Variants in ADCY8 observed in about 807,000 individuals in gnomAD.
ADCY8 encodes adenylate cyclase type 8.
Under a neutral mutation model 119.7 loss-of-function variants are expected in ADCY8, and 51 were observed. The ratio of observed to expected loss-of-function variants is 0.43; its 90% CI spans 0.34 to 0.54. The LOEUF (loss-of-function observed/expected upper bound fraction) is 0.54. ADCY8 is among the 20% of genes least tolerant of loss of function. ADCY8 has a pLI of 0.03. For missense variants in ADCY8, 1,383 were observed against 1,598.8 expected, an observed-to-expected ratio of 0.87 and a Z score of 2.30; for synonymous variants, 665 against 651.0, an observed-to-expected ratio of 1.02 and a Z score of -0.33.
intron 2 of ADCY8, among the ~76,000 whole-genome samples, chr8:130,966,784 A>G (rs1821775316): frequency 1.3e-5 from 2 of 152,344 alleles, no homozygotes; most frequent in East Asian, 3.9e-4. Context: ...GATGATAATA[A>G]TAACATCTAT....
At chr8:130,802,483 A>G (rs1244842747) in intron 14 of ADCY8, among the ~76,000 whole-genome samples, 2 of 152,226 alleles carry the variant, frequency 1.3e-5, no homozygotes, top group African/African-American at 4.8e-5. Flanking sequence ...TATTAAAGAT[A>G]CACTATTGAC....
chr8:130,846,345 C>A (rs189541468), intron 11 of ADCY8, among the ~76,000 whole-genome samples: 3 of 152,278 alleles, frequency 2.0e-5, no homozygotes, highest in Admixed American at 6.5e-5. Context: ...CAGAAACAGA[C>A]CACTGGCTCT....
At chr8:130,900,746 A>G (rs1219493312) in intron 7 of ADCY8, among the ~76,000 whole-genome samples, 1 of 152,128 alleles carries the variant, frequency 6.6e-6, no homozygotes, top group Admixed American at 6.6e-5. Context: ...TTGTTCCTTA[A>G]TTTTACAGAT....
intron 8 of ADCY8, among the ~76,000 whole-genome samples, chr8:130,869,126 G>T (rs1818233029): frequency 6.6e-6 from 1 of 152,210 alleles, no homozygotes; most frequent in African/African-American, 2.4e-5. Flanking sequence ...GAAGCACAAT[G>T]CTGTTCAGAG....
At chr8:130,986,550 G>A (rs535901078) in intron 2 of ADCY8, among the ~76,000 whole-genome samples, 3 of 152,258 alleles carry the variant, frequency 2.0e-5, no homozygotes, top group East Asian at 1.9e-4. Context: ...GACATGCAGC[G>A]AGTACAAGAA....
At chr8:130,956,297 A>G (rs1174887700) in intron 2 of ADCY8, among the ~76,000 whole-genome samples, 1 of 152,224 alleles carries the variant, frequency 6.6e-6, no homozygotes, top group Non-Finnish European at 1.5e-5. Flanking sequence ...GTCTATCCTC[A>G]CATCCTCTAT....
intron 12 of ADCY8, among the ~76,000 whole-genome samples, chr8:130,826,223 G>T (rs950104061): frequency 6.6e-6 from 1 of 151,994 alleles, no homozygotes; most frequent in Non-Finnish European, 1.5e-5. Flanking sequence ...CACATCAAAA[G>T]GTTATCAAGA....
chr8:130,967,906 G>A (rs73718848), intron 2 of ADCY8, among the ~76,000 whole-genome samples: 11,911 of 152,172 alleles, frequency 0.078, 1,551 homozygotes, highest in African/African-American at 0.27. Context: ...CTCAGGTTCT[G>A]TAAGTTAGTT....
chr8:130,926,712 G>GT (rs985479256), intron 5 of ADCY8, among the ~76,000 whole-genome samples: 1 of 151,846 alleles, frequency 6.6e-6, no homozygotes, highest in Admixed American at 6.6e-5. Flanking sequence ...TTGAAATTTT[G>GT]TATCTTTTGA....
chr8:130,984,657 G>C (rs2130730781), intron 2 of ADCY8, among the ~76,000 whole-genome samples: 3 of 152,288 alleles, frequency 2.0e-5, no homozygotes, highest in Middle Eastern at 6.8e-3. Context: ...AAACCAGGCA[G>C]TGCTAGTAAA....
intron 6 of ADCY8, among the ~76,000 whole-genome samples, chr8:130,907,634 C>A (rs888369001): frequency 1.1e-4 from 17 of 152,108 alleles, no homozygotes; most frequent in African/African-American, 3.9e-4. Flanking sequence ...AGTAGTAAAC[C>A]CACGGTTCAG....
At chr8:130,913,656 A>AC (rs11459519) in intron 5 of ADCY8, among the ~76,000 whole-genome samples, 17,277 of 151,988 alleles carry the variant, frequency 0.11, 2,044 homozygotes, top group African/African-American at 0.3. Flanking sequence ...CTGCTATCAC[A>AC]CCCCCCTCCT....
chr8:130,963,517 A>G (rs565577707), intron 2 of ADCY8, among the ~76,000 whole-genome samples: 1 of 152,336 alleles, frequency 6.6e-6, no homozygotes, highest in South Asian at 2.1e-4. Context: ...TTGAGATCCT[A>G]CTTAAGACAA....
At chr8:130,912,788 T>C (rs1386159221) in intron 5 of ADCY8, among the ~76,000 whole-genome samples, 1 of 152,186 alleles carries the variant, frequency 6.6e-6, no homozygotes, top group South Asian at 2.1e-4. Flanking sequence ...GTCATTGTTT[T>C]TACTTTAACT....
At chr8:130,914,412 T>C (rs2130563373) in intron 5 of ADCY8, among the ~76,000 whole-genome samples, 1 of 152,354 alleles carries the variant, frequency 6.6e-6, no homozygotes, top group East Asian at 1.9e-4. Flanking sequence ...GACATTTAGA[T>C]GATTTTTATT....
At chr8:130,804,308 G>A (rs35050296) in intron 14 of ADCY8, among the ~76,000 whole-genome samples, 30,386 of 152,106 alleles carry the variant, frequency 0.2, 3,068 homozygotes, top group East Asian at 0.26. Flanking sequence ...CCCCATGGTT[G>A]CAGATGCTGT....
intron 2 of ADCY8, among the ~76,000 whole-genome samples, chr8:130,971,598 A>G (rs1298097899): frequency 6.6e-6 from 1 of 152,226 alleles, no homozygotes; most frequent in Non-Finnish European, 1.5e-5. Context: ...CAGGCAAGTC[A>G]ATAAGGATAA....
chr8:130,994,939 T>C (rs190969447), intron 1 of ADCY8, among the ~76,000 whole-genome samples: 3 of 152,230 alleles, frequency 2.0e-5, no homozygotes, highest in Non-Finnish European at 1.5e-5. Flanking sequence ...CTCTGGGGTG[T>C]GGAGTGGGAA....
chr8:130,963,409 G>A (rs908572275), intron 2 of ADCY8, among the ~76,000 whole-genome samples: 2 of 152,202 alleles, frequency 1.3e-5, no homozygotes, highest in African/African-American at 4.8e-5. Context: ...GGAGAGCTAG[G>A]GAAGGGTGTT....
Sources: gnomAD v4.1 joint callset for allele counts (sites outside exome capture counted in the v4.1 genomes callset) on GRCh38, gnomAD v4.1.1 for gene constraint, MANE v1.5 for transcripts, NCBI Gene and HGNC (gene_info 2026-07-23, HGNC 2026-07-21) for gene names.